SLC30A7: variants seen among roughly 807,000 people sequenced by gnomAD.
The protein encoded by SLC30A7 is solute carrier family 30 member 7.
Under a neutral mutation model 46.0 loss-of-function variants are expected in SLC30A7, and 35 were observed. The ratio of observed to expected loss-of-function variants is 0.76; its 90% CI spans 0.58 to 1.01. The LOEUF (loss-of-function observed/expected upper bound fraction) is 1.01. SLC30A7 is among the 50% of genes least tolerant of loss of function. The probability of loss-of-function intolerance (pLI) is 0.00; values close to 1 mark genes in which losing one functional copy is unlikely to be tolerated. For synonymous variants in SLC30A7, 147 were observed against 157.8 expected (o/e 0.93, Z 0.51); for missense variants, 464 against 451.1 (o/e 1.03, Z -0.26).
chr1:100,911,856 A>G (rs912932920), intron 4 of SLC30A7, among the ~76,000 whole-genome samples: 3 of 152,164 alleles, frequency 2.0e-5, no homozygotes, highest in African/African-American at 7.2e-5. Flanking sequence ...GCAGTATTTC[A>G]AGATACCACA....
At chr1:100,936,568 C>A (rs1322573248) in intron 8 of SLC30A7, among the ~76,000 whole-genome samples, 1 of 152,130 alleles carries the variant, frequency 6.6e-6, no homozygotes, top group Non-Finnish European at 1.5e-5. Flanking sequence ...CTAATGTCTA[C>A]CTTTTCAAAA....
intron 8 of SLC30A7, among the ~76,000 whole-genome samples, chr1:100,960,919 C>T (rs865999460): frequency 2.0e-5 from 3 of 150,386 alleles, no homozygotes; most frequent in Non-Finnish European, 3.0e-5. Context: ...GAGTCACCCT[C>T]ACCATTCTAC....
chr1:100,967,997 A>G (rs908103982), intron 10 of SLC30A7, among the ~76,000 whole-genome samples: 6 of 152,224 alleles, frequency 3.9e-5, no homozygotes, highest in African/African-American at 1.4e-4. Context: ...GAAGGATTTA[A>G]TGGCAAAGTA....
chr1:100,987,198 CGTTA>C, the SLC30A7 span, among the ~76,000 whole-genome samples: 60 of 152,244 alleles, frequency 3.9e-4, no homozygotes, highest in African/African-American at 1.4e-3. Flanking sequence ...TTACCTGTTA[CGTTA>C]GTTATGATTT....
chr1:100,945,635 C>T (rs1654590937), intron 8 of SLC30A7, among the ~76,000 whole-genome samples: 1 of 151,940 alleles, frequency 6.6e-6, no homozygotes, highest in African/African-American at 2.4e-5. Flanking sequence ...TGTTCTGTTC[C>T]ATTGGTCTAT....
chr1:100,924,536 T>C (rs1653159300), intron 8 of SLC30A7, among the ~76,000 whole-genome samples: 1 of 152,174 alleles, frequency 6.6e-6, no homozygotes, highest in Non-Finnish European at 1.5e-5. Context: ...TGATTGCATG[T>C]ATAGCACCTT....
chr1:100,994,471 G>A, the SLC30A7 span, among the ~76,000 whole-genome samples: 3 of 151,718 alleles, frequency 2.0e-5, no homozygotes, highest in Non-Finnish European at 4.4e-5. Context: ...AAGAAAATAA[G>A]GCTCAGAGAT....
chr1:100,950,156 A>G (rs945855337), intron 8 of SLC30A7, among the ~76,000 whole-genome samples: 1 of 152,148 alleles, frequency 6.6e-6, no homozygotes, highest in Non-Finnish European at 1.5e-5. Flanking sequence ...TCTGTATGTT[A>G]ATTTCAAACT....
chr1:100,966,202 G>A (rs186800868), intron 10 of SLC30A7, among the ~76,000 whole-genome samples: 19 of 151,210 alleles, frequency 1.3e-4, no homozygotes, highest in Non-Finnish European at 1.5e-5. Flanking sequence ...TCCAGCCTGG[G>A]CCACAGAGCA....
intron 8 of SLC30A7, among the ~76,000 whole-genome samples, chr1:100,957,266 T>G (rs907451093): frequency 6.6e-6 from 1 of 152,220 alleles, no homozygotes; most frequent in Admixed American, 6.5e-5. Flanking sequence ...AGTAGATCCT[T>G]AATAATCGCT....
chr1:100,898,743 T>A (rs1397302151), intron 2 of SLC30A7, among the ~76,000 whole-genome samples: 1 of 152,204 alleles, frequency 6.6e-6, no homozygotes, highest in Non-Finnish European at 1.5e-5. Flanking sequence ...GATCAATAAT[T>A]TCTTTATATG....
intron 7 of SLC30A7, among the ~76,000 whole-genome samples, chr1:100,920,917 C>G (rs780180541): frequency 7.2e-5 from 11 of 151,962 alleles, no homozygotes; most frequent in Non-Finnish European, 1.5e-4. Context: ...TATTAAAGAT[C>G]TAAACGTTGA....
the SLC30A7 span, among the ~76,000 whole-genome samples, chr1:100,987,604 A>G: frequency 6.6e-6 from 1 of 151,226 alleles, no homozygotes; most frequent in African/African-American, 2.4e-5. Flanking sequence ...TGCTTTAAAA[A>G]TCCTTGTCTG....
chr1:100,925,150 C>T (rs1223838460), intron 8 of SLC30A7, among the ~76,000 whole-genome samples: 2 of 152,146 alleles, frequency 1.3e-5, no homozygotes, highest in Admixed American at 6.5e-5. Flanking sequence ...ATCTTATTGT[C>T]GTAAGAAAAG....
intron 8 of SLC30A7, among the ~76,000 whole-genome samples, chr1:100,955,018 C>G (rs1655153688): frequency 6.6e-6 from 1 of 152,010 alleles, no homozygotes; most frequent in Non-Finnish European, 1.5e-5. Flanking sequence ...AGCTCATAAG[C>G]TGATTCATCA....
intron 2 of SLC30A7, 50 bp downstream of exon 2, chr1:100,896,721 G>A (rs753691708): frequency 1.3e-6 from 2 of 1,511,040 alleles, no homozygotes; most frequent in South Asian, 1.1e-5. Context: ...TGAGGGAGAC[G>A]AAGCACTGTT....
intron 10 of SLC30A7, among the ~76,000 whole-genome samples, chr1:100,968,462 A>G (rs74561370): frequency 6.9e-6 from 1 of 145,186 alleles, no homozygotes; most frequent in Non-Finnish European, 1.5e-5. Context: ...CTCTGTCTCA[A>G]AAAAAAAAAA....
chr1:100,993,977 C>T, the SLC30A7 span, among the ~76,000 whole-genome samples: 106 of 152,006 alleles, frequency 7.0e-4, 1 homozygote, highest in East Asian at 5.2e-3. Context: ...CTGCTGACCT[C>T]GTGATCCACC....
chr1:100,935,062 C>T (rs1209968449), intron 8 of SLC30A7, among the ~76,000 whole-genome samples: 1 of 152,174 alleles, frequency 6.6e-6, no homozygotes, highest in Non-Finnish European at 1.5e-5. Context: ...TTTGAAGCTT[C>T]AAACTATTTG....
Sources: gnomAD v4.1 joint callset for allele counts (sites outside exome capture counted in the v4.1 genomes callset) on GRCh38, gnomAD v4.1.1 for gene constraint, MANE v1.5 for transcripts, NCBI Gene and HGNC (gene_info 2026-07-23, HGNC 2026-07-21) for gene names.